Variants in PIK3C2A observed in about 807,000 individuals in gnomAD.
PIK3C2A encodes the protein phosphatidylinositol 4-phosphate 3-kinase C2 domain-containing subunit alpha.
PIK3C2A carries 97 observed loss-of-function variants against 204.5 expected under a neutral mutation model. The ratio of observed to expected loss-of-function variants is 0.47; its 90% CI spans 0.40 to 0.56. The LOEUF (loss-of-function observed/expected upper bound fraction) is 0.56. Ranked by LOEUF, PIK3C2A falls within the 20% of genes least tolerant of loss-of-function variation. The pLI is 0.00. For missense variants in PIK3C2A, 1,735 were observed against 1,969.2 expected (o/e 0.88, Z 2.25); for synonymous variants, 653 against 664.4 (o/e 0.98, Z 0.26).
intron 23 of PIK3C2A, among the ~76,000 whole-genome samples, chr11:17,104,299 T>A (rs1848733807): frequency 6.6e-6 from 1 of 152,206 alleles, no homozygotes; most frequent in African/African-American, 2.4e-5. Flanking sequence ...CACTATGCAG[T>A]GCTTCATATA....
intron 24 of PIK3C2A, among the ~76,000 whole-genome samples, chr11:17,102,161 G>C (rs369590278): frequency 6.6e-6 from 1 of 152,078 alleles, no homozygotes; most frequent in Non-Finnish European, 1.5e-5. Flanking sequence ...GTTTAGCTGC[G>C]CATGGTGGCT....
At chr11:17,183,304 C>A (rs1444074944) in intron 1 of PIK3C2A, among the ~76,000 whole-genome samples, 1 of 152,148 alleles carries the variant, frequency 6.6e-6, no homozygotes, top group African/African-American at 2.4e-5. Context: ...AAGTCTTAAA[C>A]AACTTTTATG....
Position 17,169,637 on chromosome 11 carries a change from T to C in PIK3C2A, c.105A>G (p.Glu35=). ...TTTGCAGTTTTGCTAAAGCCTCTGC[T>C]TCCATCTGTAATGCTTCTTCTTTGT... ...DVDKEEALQM[E]AEALAKLQKD... The change falls in exon 2 of 33, where the codon GAA becomes GAG. Residue 35 remains glutamate (E), a synonymous_variant. Coordinates refer to ENST00000691414, the MANE Select transcript of PIK3C2A (RefSeq NM_002645.4). 1.2e-6 allele frequency: 2 copies of C among 1,613,856 alleles called. No homozygotes were observed. The highest frequency in any genetic ancestry group is 1.7e-6 in the Non-Finnish European group (2 of 1,179,988).
At chr11:17,092,420 C>A (rs1417536858) in intron 28 of PIK3C2A, 144 bp from the exon 29 acceptor site, 1 of 605,878 alleles carries the variant, frequency 1.7e-6, no homozygotes, top group Non-Finnish European at 2.9e-6. Flanking sequence ...TGGCTCATGG[C>A]CTTTGGGAGG....
At chr11:17,130,665 G>C (rs1352687444) in intron 12 of PIK3C2A, among the ~76,000 whole-genome samples, 1 of 151,646 alleles carries the variant, frequency 6.6e-6, no homozygotes, top group Non-Finnish European at 1.5e-5. Flanking sequence ...AAATTAGCCA[G>C]GCATGGTGGC....
chr11:17,106,531 T>A (rs1221702072), intron 22 of PIK3C2A, among the ~76,000 whole-genome samples: 1 of 152,228 alleles, frequency 6.6e-6, no homozygotes, highest in Admixed American at 6.5e-5. Flanking sequence ...AGTCTGTACA[T>A]CCATGTACTA....
intron 26 of PIK3C2A, among the ~76,000 whole-genome samples, chr11:17,097,698 G>C (rs1039230709): frequency 5.3e-5 from 8 of 152,200 alleles, no homozygotes; most frequent in African/African-American, 1.9e-4. Flanking sequence ...CGGATCACTT[G>C]AGGCCAGGAG....
chr11:17,093,758 CT>C (rs1326041603), intron 28 of PIK3C2A, among the ~76,000 whole-genome samples: 1 of 151,934 alleles, frequency 6.6e-6, no homozygotes, highest in Non-Finnish European at 1.5e-5. Flanking sequence ...TCACTTCAGC[CT>C]CCTGAGTAGC....
chr11:17,198,201 C>T (rs1852230110), intron 1 of PIK3C2A, among the ~76,000 whole-genome samples: 1 of 151,878 alleles, frequency 6.6e-6, no homozygotes, highest in South Asian at 2.1e-4. Context: ...CTCCACCTCC[C>T]AGGTTCAAGC....
At position 17,089,761 on chromosome 11, in the gene PIK3C2A, G is replaced by A; in HGVS notation, c.5038C>T (p.Leu1680=). ...LSKETVKWYQ[L]TAATYL ...GTTTACAAGTATGTTGCCGCAGTCA[G>A]CTGATACCATTTAACCGTCTCTTTG... Residue 1680 remains leucine (L), a synonymous_variant, in exon 33 of 33, where the codon CTG becomes TTG. Transcript: ENST00000691414. 6.2e-7 allele frequency: 1 copy of A among 1,613,552 alleles called. No homozygotes were observed. Among genetic ancestry groups the A allele is most frequent in the Non-Finnish European group, 8.5e-7 (1 of 1,179,680 alleles).
At chr11:17,095,642 G>C (rs1848432686) in intron 27 of PIK3C2A, among the ~76,000 whole-genome samples, 1 of 151,494 alleles carries the variant, frequency 6.6e-6, no homozygotes, top group Admixed American at 6.6e-5. Flanking sequence ...GTCCAGGCAT[G>C]GTGGCTCACA....
chr11:17,164,507 G>C (rs979374534), intron 2 of PIK3C2A, among the ~76,000 whole-genome samples: 3 of 152,158 alleles, frequency 2.0e-5, no homozygotes, highest in African/African-American at 7.2e-5. Context: ...CCTTAAGACT[G>C]GCAAGTAGCC....
chr11:17,089,955 A>C, intron 32 of PIK3C2A, 35 bp from the exon 33 acceptor site: 1 of 1,463,262 alleles, frequency 6.8e-7, no homozygotes, highest in East Asian at 2.3e-5. Context: ...TAAATCACAA[A>C]TTAAAGTTTG....
chr11:17,117,886 T>C (rs1026748253), intron 18 of PIK3C2A, among the ~76,000 whole-genome samples: 1 of 151,694 alleles, frequency 6.6e-6, no homozygotes, highest in Non-Finnish European at 1.5e-5. Flanking sequence ...GCTAATTTTT[T>C]GTATTTTTAG....
At position 17,152,003 on chromosome 11, in the gene PIK3C2A, G is replaced by A. The variant is rs61879716; in HGVS notation, c.1170-1348C>T. ...AGCAAGCTTTCAATTTTCAGAAACC[G>A]TTAAGGATGACAAAAGTAAAAGCAG... On this transcript the variant is annotated intron_variant, in intron 3 of 32. Transcript: ENST00000691414. 7.4e-3 allele frequency among the ~76,000 whole-genome samples: 1,124 copies of A among 152,104 alleles called. 13 individuals are homozygous for A. Among genetic ancestry groups the A allele is most frequent in the Middle Eastern group, 0.024 (7 of 294 alleles).
At chr11:17,094,814 G>A (rs910900802) in intron 27 of PIK3C2A, among the ~76,000 whole-genome samples, 4 of 152,172 alleles carry the variant, frequency 2.6e-5, no homozygotes, top group African/African-American at 4.8e-5. Flanking sequence ...TAGCTTAATT[G>A]TTATATGCAG....
chr11:17,203,006 G>GTTGGCAGTTAT, intron 1 of PIK3C2A, among the ~76,000 whole-genome samples: 1 of 152,258 alleles, frequency 6.6e-6, no homozygotes, highest in East Asian at 1.9e-4. Context: ...AATACTTGTT[G>GTTGGCAGTTAT]CTAAGCCAAC....
intron 1 of PIK3C2A, among the ~76,000 whole-genome samples, chr11:17,182,392 C>T (rs1300187038): frequency 1.3e-5 from 2 of 151,660 alleles, no homozygotes; most frequent in Admixed American, 1.3e-4. Context: ...CATGGCAAAA[C>T]CCCATCTCTA....
At chr11:17,205,473 CAAAAAA>C (rs755518412) in intron 1 of PIK3C2A, among the ~76,000 whole-genome samples, 2 of 25,366 alleles carry the variant, frequency 7.9e-5, no homozygotes, top group South Asian at 1.3e-3. Context: ...GACTCCATCT[CAAAAAA>C]AAAAAAAAAA....
Sources: gnomAD v4.1 joint callset for allele counts (sites outside exome capture counted in the v4.1 genomes callset) on GRCh38, gnomAD v4.1.1 for gene constraint, MANE v1.5 for transcripts, NCBI Gene and HGNC (gene_info 2026-07-23, HGNC 2026-07-21) for gene names.